WSCD1: variants seen among roughly 807,000 people sequenced by gnomAD.
The protein encoded by WSCD1 is WSC domain sialate O sulfotransferase 1.
Under a neutral mutation model 60.4 loss-of-function variants are expected in WSCD1, and 41 were observed. That is an observed-to-expected ratio of 0.68 (90% CI 0.53 to 0.88). The LOEUF (loss-of-function observed/expected upper bound fraction) is 0.88, where lower values mean the gene tolerates loss of function less well. Among genes scored for constraint, WSCD1 ranks in the 40% least tolerant of loss-of-function variants. The pLI is 0.00. For missense variants in WSCD1, 784 were observed against 796.2 expected (o/e 0.98, Z 0.18); for synonymous variants, 361 against 332.5 (o/e 1.09, Z -0.93).
At chr17:6,071,900 C>A (rs770105734) in intron 1 of WSCD1, among the ~76,000 whole-genome samples, 1 of 152,220 alleles carries the variant, frequency 6.6e-6, no homozygotes, top group Non-Finnish European at 1.5e-5. Flanking sequence ...GGGAAGGGGC[C>A]TCAACCGGCT....
intron 5 of WSCD1, among the ~76,000 whole-genome samples, chr17:6,107,591 G>T (rs1911164363): frequency 6.6e-6 from 1 of 152,156 alleles, no homozygotes; most frequent in Admixed American, 6.5e-5. Flanking sequence ...GAATTTGGGG[G>T]ACACAGTTCA....
rs1386681234 is a variant in WSCD1, at chr17:6,108,170, G to A, written c.850-1437G>A. Among the ~76,000 whole-genome samples the A allele has an allele frequency of 5.9e-5, 9 of 152,136 alleles. No homozygotes were observed. The East Asian group carries it at 1.4e-3, about 23-fold the overall frequency. On this transcript the variant is annotated intron_variant, in intron 5 of 8. Transcript: ENST00000317744. Reference sequence around the variant, plus strand: ...ATGCCCCAGGCCCTGCGTCATCTTCGCTTGCATGGGACACAGGCTGTTGTC... The same window carrying A: ...ATGCCCCAGGCCCTGCGTCATCTTCACTTGCATGGGACACAGGCTGTTGTC...
intron 2 of WSCD1, among the ~76,000 whole-genome samples, chr17:6,086,833 C>T (rs571009371): frequency 2.2e-4 from 33 of 152,292 alleles, no homozygotes; most frequent in African/African-American, 6.7e-4. Context: ...CTTGCCCTCA[C>T]GGAGCATCCA....
At chr17:6,112,199 C>A (rs1029291973) in intron 7 of WSCD1, among the ~76,000 whole-genome samples, 1 of 152,026 alleles carries the variant, frequency 6.6e-6, no homozygotes, top group African/African-American at 2.4e-5. Context: ...TCCAAAAGTA[C>A]TGGAGGGAAA....
intron 1 of WSCD1, chr17:6,078,117 A>T (rs1455149949): frequency 1.3e-5 from 2 of 152,234 alleles, no homozygotes; most frequent in African/African-American, 4.8e-5. Flanking sequence ...ACTCCATAGG[A>T]GCAGGTTTCT....
intron 1 of WSCD1, among the ~76,000 whole-genome samples, chr17:6,074,754 G>A (rs1908743084): frequency 6.6e-6 from 1 of 152,240 alleles, no homozygotes; most frequent in Non-Finnish European, 1.5e-5. Flanking sequence ...GGTGCTTGAC[G>A]CCTCTCTCGC....
chr17:6,092,459 C>T (rs143807905), intron 4 of WSCD1, among the ~76,000 whole-genome samples: 2 of 152,234 alleles, frequency 1.3e-5, no homozygotes, highest in African/African-American at 4.8e-5. Flanking sequence ...GACCACACAT[C>T]GTTTAGCTGA....
intron 8 of WSCD1, 105 bp from the exon 9 acceptor site, chr17:6,120,204 C>A: frequency 8.2e-7 from 1 of 1,220,902 alleles, no homozygotes; most frequent in East Asian, 2.3e-5. Flanking sequence ...AGGCAGTGGA[C>A]AGTGGAAAAC....
intron 7 of WSCD1, among the ~76,000 whole-genome samples, chr17:6,116,571 G>T (rs1911695057): frequency 6.6e-6 from 1 of 152,244 alleles, no homozygotes; most frequent in African/African-American, 2.4e-5. Context: ...TTAAAGACTA[G>T]ATCTCAAGTT....
intron 1 of WSCD1, among the ~76,000 whole-genome samples, chr17:6,079,935 G>A (rs1179141374): frequency 1.3e-5 from 2 of 152,202 alleles, no homozygotes; most frequent in South Asian, 4.1e-4. Context: ...TCTTTTGCCA[G>A]TTTCCTCATC....
chr17:6,083,968 T>C (rs1026677777), intron 2 of WSCD1, among the ~76,000 whole-genome samples: 1 of 152,098 alleles, frequency 6.6e-6, no homozygotes, highest in Non-Finnish European at 1.5e-5. Context: ...TGGCTAGATA[T>C]AAGCAGGACT....
At chr17:6,090,614 C>A (rs1389898882) in intron 4 of WSCD1, 109 bp downstream of exon 4, 102 of 1,406,064 alleles carry the variant, frequency 7.3e-5, no homozygotes, top group Non-Finnish European at 9.3e-5. Flanking sequence ...CCTGTGCCAA[C>A]CTCTGCCCTC....
chr17:6,100,256 A>G (rs546603121), intron 5 of WSCD1, among the ~76,000 whole-genome samples: 1 of 152,274 alleles, frequency 6.6e-6, no homozygotes, highest in Admixed American at 6.5e-5. Flanking sequence ...GACCTGTCCA[A>G]TGTGGGAGGG....
rs930296265 is a variant in WSCD1, at chr17:6,120,910, C to G, written c.*249C>G. 3.7e-6 allele frequency: 2 copies of G among 540,776 alleles called. No homozygotes were observed. Among genetic ancestry groups the G allele is most frequent in the Non-Finnish European group, 6.6e-6 (2 of 304,216 alleles). The allele number at this position is 540,776 out of a possible 1,614,324, so 33.5% of individuals were successfully genotyped here. ...AGACACTCAGACACCACTCCAGGCT[C>G]ATAGCCCCGTCTTGATGCAGAGAAG... On this transcript the variant is annotated 3_prime_UTR_variant, in exon 9 of 9. Transcript: ENST00000317744.
chr17:6,117,846 T>C (rs1437775362), intron 7 of WSCD1, 142 bp from the exon 8 acceptor site: 1 of 790,176 alleles, frequency 1.3e-6, no homozygotes, highest in African/African-American at 1.7e-5. Flanking sequence ...TCACCATCCA[T>C]AGGTCCTCTC....
At position 6,123,925 on chromosome 17, in the gene WSCD1, TG is replaced by T. The variant is rs1904859911; in HGVS notation, c.*3269del. On this transcript the variant is annotated 3_prime_UTR_variant, in exon 9 of 9. Coordinates refer to ENST00000317744, the MANE Select transcript of WSCD1 (RefSeq NM_015253.2). ...CAGTCTCAGTTTCCCATCCATAAAATGGGGGAAGTGGTAGGTCTTGCTGATT... is the reference window on the plus strand; with the variant it reads ...CAGTCTCAGTTTCCCATCCATAAAATGGGGAAGTGGTAGGTCTTGCTGATT... 6.6e-6 allele frequency: 1 copy of T among 152,208 alleles called. No homozygotes were observed. Among genetic ancestry groups the T allele is most frequent in the Admixed American group, 6.5e-5 (1 of 15,278 alleles). The allele number at this position is 152,208 out of a possible 1,614,324, so 9.4% of individuals were successfully genotyped here. A position where few individuals can be genotyped will look rare whatever the true frequency, so the allele number is the denominator to read the frequency against.
At chr17:6,113,078 G>A (rs80261269) in intron 7 of WSCD1, among the ~76,000 whole-genome samples, 2,872 of 152,178 alleles carry the variant, frequency 0.019, 33 homozygotes, top group Non-Finnish European at 0.02. Context: ...AAAACAGCAT[G>A]GTACTGCTAC....
At position 6,088,106 on chromosome 17, in the gene WSCD1, T is replaced by A. The variant is rs2150541435; in HGVS notation, c.542+2T>A. 1 of 1,613,636 alleles carries A rather than the reference T, an allele frequency of 6.2e-7. No homozygotes were observed. The highest frequency in any genetic ancestry group is 8.5e-7 in the Non-Finnish European group (1 of 1,179,664). ...CTGCCAGGATGCGTGTGCTGAGCGG[T>A]GAGTGCTGGGGCCCTGGACTGTTGA... is the stretch of plus-strand genomic sequence containing the variant. On this transcript the variant is annotated splice_donor_variant, in intron 3 of 8. Coordinates refer to ENST00000317744, the MANE Select transcript of WSCD1 (RefSeq NM_015253.2). LOFTEE classifies it high-confidence loss of function.
Position 6,109,760 on chromosome 17 carries a change from G to C in WSCD1, c.1003G>C (p.Val335Leu). Residue 335 changes from valine to leucine, a missense_variant, in exon 6 of 9, where the codon GTG becomes CTG. Transcript: ENST00000317744. ...AEYCEVYQTP[V>L]QDTRCTDRRF... is the part of the protein sequence containing the mutation. Reference sequence around the variant, plus strand: ...ATACTGTGAGGTCTACCAGACACCTGTGCAAGGTGGGTTCTGCATCCCCGA... The same window carrying C: ...ATACTGTGAGGTCTACCAGACACCTCTGCAAGGTGGGTTCTGCATCCCCGA... The C allele has an allele frequency of 6.2e-7, 1 of 1,611,176 alleles. No homozygotes were observed. Among genetic ancestry groups the C allele is most frequent in the Non-Finnish European group, 8.5e-7 (1 of 1,177,600 alleles).
Sources: allele counts gnomAD v4.1 joint callset (sites outside exome capture counted in the v4.1 genomes callset), GRCh38; gene constraint gnomAD v4.1.1; transcripts MANE v1.5; gene names NCBI Gene and HGNC (gene_info 2026-07-23, HGNC 2026-07-21).